Variants in PCDHGB2 observed in about 807,000 individuals in gnomAD.
PCDHGB2 encodes the protein protocadherin gamma-B2.
In PCDHGB2, 55 loss-of-function variants were observed where a neutral mutation model predicts 59.3. The ratio of observed to expected loss-of-function variants is 0.93; its 90% CI spans 0.75 to 1.16. PCDHGB2 has a LOEUF of 1.16. Among genes scored for constraint, PCDHGB2 ranks in the 50% most tolerant of loss-of-function variants. The probability of loss-of-function intolerance (pLI) is 0.00; values close to 1 mark genes in which losing one functional copy is unlikely to be tolerated. For synonymous variants in PCDHGB2, 516 were observed against 512.0 expected (o/e 1.01, Z -0.11); for missense variants, 1,228 against 1,198.5 (o/e 1.02, Z -0.36).
intron 1 of PCDHGB2, chr5:141,375,358 G>A (rs1436482456): frequency 1.2e-6 from 2 of 1,613,810 alleles, no homozygotes; most frequent in Non-Finnish European, 8.5e-7. Context: ...TGACAGCCAC[G>A]GACAAAGGAA....
At chr5:141,430,179 A>G (rs2097264770) in intron 1 of PCDHGB2, among the ~76,000 whole-genome samples, 1 of 152,158 alleles carries the variant, frequency 6.6e-6, no homozygotes, top group Admixed American at 6.5e-5. Flanking sequence ...ATTTTCCCCA[A>G]ATTATAGCTG....
At position 141,383,914 on chromosome 5, in the gene PCDHGB2, G is replaced by T. The variant is rs1167823249; in HGVS notation, c.2421+21358G>T. ...GGCAAAAGTACTGATCACAGTTTTA[G>T]ATGTAAATGATAATGCTCCAGAAGT... On this transcript the variant is annotated intron_variant, in intron 1 of 3. Transcript: ENST00000522605. The T allele has an allele frequency of 6.2e-7, 1 of 1,613,958 alleles. No individual in the cohort carries two copies. Among genetic ancestry groups the T allele is most frequent in the Admixed American group, 1.7e-5 (1 of 60,022 alleles).
At position 141,498,971 on chromosome 5, in the gene PCDHGB2, G is replaced by GGGAAGGAAGGAA. The variant is rs201769957; in HGVS notation, c.2480+4152_2480+4163dup. On this transcript the variant is annotated intron_variant, in intron 2 of 3. Coordinates refer to ENST00000522605, the MANE Select transcript of PCDHGB2 (RefSeq NM_018923.3). ...AAAAAGAGAGAGAGGGAGGGAGGGA[G>GGGAAGGAAGGAA]GGAAGGAAGGAAGGAAGGAAGGAAG... 6.8e-3 allele frequency among the ~76,000 whole-genome samples: 758 copies of GGGAAGGAAGGAA among 111,036 alleles called. 12 individuals are homozygous for GGGAAGGAAGGAA. Among genetic ancestry groups the GGGAAGGAAGGAA allele is most frequent in the African/African-American group, 0.021 (585 of 27,816 alleles). 72.8% of individuals were successfully genotyped at this position (111,036 alleles called of 152,430 possible). A position where few individuals can be genotyped will look rare whatever the true frequency, so the allele number is the denominator to read the frequency against.
At chr5:141,478,720 G>T (rs2154576937) in intron 1 of PCDHGB2, 1 of 1,543,694 alleles carries the variant, frequency 6.5e-7, no homozygotes, top group Admixed American at 2.0e-5. Context: ...ATGGTGGCCT[G>T]CCAGAGTGTG....
chr5:141,489,111 C>G lies in PCDHGB2; in HGVS notation c.2422-5696C>G. 1.9e-6 allele frequency: 1 copy of G among 518,042 alleles called. No individual in the cohort carries two copies. Among genetic ancestry groups the G allele is most frequent in the Non-Finnish European group, 3.2e-6 (1 of 308,182 alleles). The allele number at this position is 518,042 out of a possible 1,614,324, so 32.1% of individuals were successfully genotyped here. The stretch of plus-strand genomic sequence containing the variant: ...GTGACTAAGAACTGCTGCAAGCAGG[C>G]AAACCTCCGAGCAGTTTTTAAGAGG... On this transcript the variant is annotated intron_variant, in intron 1 of 3. Coordinates refer to ENST00000522605, the MANE Select transcript of PCDHGB2 (RefSeq NM_018923.3). This position sits in a 1 kb window ranked among gnomAD's most constrained non-coding sequence, Gnocchi z 4.5.
intron 1 of PCDHGB2, among the ~76,000 whole-genome samples, chr5:141,470,997 A>G (rs905897657): frequency 3.8e-4 from 57 of 150,462 alleles, no homozygotes; most frequent in African/African-American, 1.3e-3. Flanking sequence ...GACTACAGGC[A>G]TGAGCCACTG....
intron 1 of PCDHGB2, chr5:141,418,454 ACTCTG>A (rs2096260396): frequency 3.1e-6 from 5 of 1,613,892 alleles, no homozygotes; most frequent in Non-Finnish European, 4.2e-6. Context: ...ATTGCAGAAG[ACTCTG>A]GACCGAGAAA....
chr5:141,393,453 G>A lies in PCDHGB2; in HGVS notation c.2421+30897G>A, dbSNP rs373805221. On this transcript the variant is annotated intron_variant, in intron 1 of 3. Coordinates refer to ENST00000522605, the MANE Select transcript of PCDHGB2 (RefSeq NM_018923.3). ...GGCTGCTCACCACCTGGTCCTCACGGCCTCGGATGGCGGCAAGCCGCCTCG... is the reference window on the plus strand; with the variant it reads ...GGCTGCTCACCACCTGGTCCTCACGACCTCGGATGGCGGCAAGCCGCCTCG... 113 of 1,613,920 alleles carry A rather than the reference G, an allele frequency of 7.0e-5. 1 individual carries two copies. The highest frequency in any genetic ancestry group is 8.9e-5 in the Non-Finnish European group (105 of 1,179,908).
At position 141,430,919 on chromosome 5, in the gene PCDHGB2, C is replaced by A. The variant is rs377613499; in HGVS notation, c.2422-63888C>A. The A allele has an allele frequency of 6.2e-7, 1 of 1,607,492 alleles. No homozygotes were observed. Among genetic ancestry groups the A allele is most frequent in the Admixed American group, 1.7e-5 (1 of 58,806 alleles). The stretch of plus-strand genomic sequence containing the variant: ...GGGCGACATCTCCAGGGACCTGGGG[C>A]TGGAGCCCCGGGAGCTCGCGGAGCG... On this transcript the variant is annotated intron_variant, in intron 1 of 3. Transcript: ENST00000522605.
chr5:141,470,969 A>C (rs62379203), intron 1 of PCDHGB2, among the ~76,000 whole-genome samples: 16,337 of 151,332 alleles, frequency 0.11, 895 homozygotes, highest in South Asian at 0.15. Flanking sequence ...CTCCCACCTC[A>C]GCCTCCCAAA....
Position 141,476,755 on chromosome 5 carries a change from G to A in PCDHGB2, c.2422-18052G>A, listed in dbSNP as rs1307512875. The stretch of plus-strand genomic sequence containing the variant: ...AACGGGAGCCTAGTCTCCAGTTAGT[G>A]CTGACGGCGTTGGACGGAGGGACCC... On this transcript the variant is annotated intron_variant, in intron 1 of 3. Coordinates refer to ENST00000522605, the MANE Select transcript of PCDHGB2 (RefSeq NM_018923.3). This position sits in a 1 kb window ranked among gnomAD's most constrained non-coding sequence, Gnocchi z 7.6. 1.2e-6 allele frequency: 2 copies of A among 1,613,828 alleles called. No homozygotes were observed. Among genetic ancestry groups the A allele is most frequent in the Non-Finnish European group, 1.7e-6 (2 of 1,180,036 alleles).
At chr5:141,372,431 C>G in intron 1 of PCDHGB2, 3 of 1,614,052 alleles carry the variant, frequency 1.9e-6, no homozygotes, top group Non-Finnish European at 2.5e-6. Context: ...GCGACCGCCC[C>G]ACTCCCTCTG....
intron 3 of PCDHGB2, among the ~76,000 whole-genome samples, chr5:141,508,989 G>A (rs900798347): frequency 1.3e-5 from 2 of 152,110 alleles, no homozygotes; most frequent in Non-Finnish European, 2.9e-5. Flanking sequence ...GGGGCCAGCT[G>A]GGGTAGGAGA....
At chr5:141,458,803 G>A (rs2098953701) in intron 1 of PCDHGB2, among the ~76,000 whole-genome samples, 2 of 152,130 alleles carry the variant, frequency 1.3e-5, no homozygotes, top group African/African-American at 4.8e-5. Flanking sequence ...TGTGATCTCA[G>A]CTCACTGCAA....
chr5:141,496,766 CT>C (rs1361332988), intron 2 of PCDHGB2, among the ~76,000 whole-genome samples: 1 of 152,068 alleles, frequency 6.6e-6, no homozygotes, highest in Non-Finnish European at 1.5e-5. Context: ...TATCGAGCAT[CT>C]ACTATGAGCA....
chr5:141,393,959 T>G, intron 1 of PCDHGB2: 1 of 1,613,970 alleles, frequency 6.2e-7, no homozygotes, highest in Non-Finnish European at 8.5e-7. Flanking sequence ...ATGGTCAAGT[T>G]GTCTGTTACA....
intron 1 of PCDHGB2, chr5:141,420,054 G>A (rs1355002535): frequency 6.2e-7 from 1 of 1,614,070 alleles, no homozygotes; most frequent in East Asian, 2.2e-5. Context: ...TCAGTTCTCT[G>A]CTCCAAGTCC....
At position 141,490,521 on chromosome 5, in the gene PCDHGB2, C is replaced by T. The variant is rs146064810; in HGVS notation, c.2422-4286C>T. The stretch of plus-strand genomic sequence containing the variant: ...ACTATATCATCGAGCTGCTGGCCAG[C>T]GATGCTGGTTCACCTTCCCTACACA... On this transcript the variant is annotated intron_variant, in intron 1 of 3. Coordinates refer to ENST00000522605, the MANE Select transcript of PCDHGB2 (RefSeq NM_018923.3). This position sits in a 1 kb window ranked among gnomAD's most constrained non-coding sequence, Gnocchi z 5.4. The T allele has an allele frequency of 1.0e-4, 166 of 1,614,058 alleles. No individual in the cohort carries two copies. In the African/African-American group the frequency reaches 1.7e-3, roughly 16 times the overall value.
At chr5:141,437,652 A>T (rs899628392) in intron 1 of PCDHGB2, among the ~76,000 whole-genome samples, 1 of 152,196 alleles carries the variant, frequency 6.6e-6, no homozygotes, top group African/African-American at 2.4e-5. Context: ...AAGCAAACAC[A>T]TAGTTTCGAA....
Sources: gnomAD v4.1 joint callset for allele counts (sites outside exome capture counted in the v4.1 genomes callset) on GRCh38, gnomAD v4.1.1 for gene constraint, Gnocchi (gnomAD v3.1) non-coding constraint, MANE v1.5 for transcripts, NCBI Gene and HGNC (gene_info 2026-07-23, HGNC 2026-07-21) for gene names.